SYT14: variants seen among roughly 807,000 people sequenced by gnomAD.
SYT14 encodes synaptotagmin-14.
Under a neutral mutation model 74.2 loss-of-function variants are expected in SYT14, and 32 were observed. The ratio of observed to expected loss-of-function variants is 0.43; its 90% confidence interval spans 0.33 to 0.58. The LOEUF (loss-of-function observed/expected upper bound fraction) is 0.58, where lower values mean the gene tolerates loss of function less well. Among genes scored for constraint, SYT14 ranks in the 20% least tolerant of loss-of-function variants. SYT14 has a pLI of 0.05. For synonymous variants in SYT14, 298 were observed against 337.7 expected, an observed-to-expected ratio of 0.88 and a Z score of 1.29; for missense variants, 791 against 981.8, an observed-to-expected ratio of 0.81 and a Z score of 2.60.
intron 5 of SYT14, among the ~76,000 whole-genome samples, chr1:210,086,629 G>T (rs12073617): frequency 0.05 from 7,569 of 152,196 alleles, 1,032 homozygotes; most frequent in East Asian, 0.42. Flanking sequence ...CCTATTAGTG[G>T]ATAATAGATT....
intron 7 of SYT14, 127 bp from the exon 7 acceptor site, chr1:210,155,593 TG>T: frequency 1.1e-6 from 1 of 937,086 alleles, no homozygotes; most frequent in Non-Finnish European, 1.6e-6. Context: ...AATTCTAATC[TG>T]GTGTTTGGTT....
At chr1:210,148,968 AT>A (rs1207848556) in intron 7 of SYT14, among the ~76,000 whole-genome samples, 1 of 152,152 alleles carries the variant, frequency 6.6e-6, no homozygotes, top group Non-Finnish European at 1.5e-5. Flanking sequence ...TCAGCAAAAA[AT>A]ATACACATAT....
intron 2 of SYT14, among the ~76,000 whole-genome samples, chr1:209,977,393 C>A (rs925223788): frequency 3.9e-5 from 6 of 152,134 alleles, no homozygotes; most frequent in African/African-American, 1.4e-4. Context: ...TCTTTTAGGG[C>A]AGGCCTGGTA....
chr1:210,117,675 A>G (rs1379536702), intron 7 of SYT14, among the ~76,000 whole-genome samples: 2 of 152,178 alleles, frequency 1.3e-5, no homozygotes, highest in East Asian at 3.8e-4. Flanking sequence ...CTGCAGTCTC[A>G]CACAAAGAAT....
chr1:210,013,902 C>A (rs1018881317), intron 3 of SYT14, 105 bp downstream of exon 3: 1 of 1,115,976 alleles, frequency 9.0e-7, no homozygotes, highest in South Asian at 1.6e-5. Context: ...ATACAATAAA[C>A]TAATATTTGA....
chr1:210,087,454 C>T (rs12751186), intron 5 of SYT14, among the ~76,000 whole-genome samples: 2 of 152,166 alleles, frequency 1.3e-5, no homozygotes, highest in Non-Finnish European at 2.9e-5. Context: ...GCTCTCCTTC[C>T]TCAATGCGAA....
At chr1:210,094,767 A>G (rs1002831671) in intron 6 of SYT14, among the ~76,000 whole-genome samples, 174 bp downstream of exon 5, 5 of 152,116 alleles carry the variant, frequency 3.3e-5, no homozygotes, top group Admixed American at 2.6e-4. Context: ...GAATGTCCCA[A>G]CTAGTCTTCA....
chr1:210,008,036 AT>A (rs2080020455), intron 2 of SYT14, among the ~76,000 whole-genome samples: 1 of 152,194 alleles, frequency 6.6e-6, no homozygotes, highest in African/African-American at 2.4e-5. Context: ...CTGAATAATA[AT>A]TTTAAGATCT....
intron 5 of SYT14, among the ~76,000 whole-genome samples, chr1:210,093,802 G>A: frequency 6.6e-6 from 1 of 152,196 alleles, no homozygotes; most frequent in Non-Finnish European, 1.5e-5. Flanking sequence ...ATCCAGGACA[G>A]ATGTAGAAAA....
chr1:209,953,667 T>C (rs2078947807), intron 2 of SYT14, among the ~76,000 whole-genome samples: 1 of 152,248 alleles, frequency 6.6e-6, no homozygotes, highest in African/African-American at 2.4e-5. Context: ...TCAGCTTCTT[T>C]AGACTTGAAA....
chr1:210,062,275 A>G (rs1456309395), intron 5 of SYT14, among the ~76,000 whole-genome samples: 1 of 151,884 alleles, frequency 6.6e-6, no homozygotes, highest in Non-Finnish European at 1.5e-5. Context: ...CATATTTGGA[A>G]ATTTGATTCT....
chr1:209,987,825 ATC>A (rs2079597436), intron 2 of SYT14, among the ~76,000 whole-genome samples: 1 of 152,100 alleles, frequency 6.6e-6, no homozygotes, highest in African/African-American at 2.4e-5. Context: ...TTTCTGATGA[ATC>A]TCTTGTCAGC....
At chr1:210,036,085 T>C (rs2080655793) in intron 5 of SYT14, among the ~76,000 whole-genome samples, 2 of 152,004 alleles carry the variant, frequency 1.3e-5, no homozygotes. Flanking sequence ...TTTCTTTCAT[T>C]AGTGTTTGGT....
At chr1:210,037,902 G>A (rs928619833) in intron 5 of SYT14, among the ~76,000 whole-genome samples, 1 of 152,064 alleles carries the variant, frequency 6.6e-6, no homozygotes, top group African/African-American at 2.4e-5. Flanking sequence ...TGAGAAGAAT[G>A]TATATTCTGT....
intron 5 of SYT14, among the ~76,000 whole-genome samples, chr1:210,093,128 A>C (rs895311883): frequency 1.3e-4 from 20 of 151,862 alleles, no homozygotes; most frequent in African/African-American, 4.4e-4. Context: ...TTTTTTCAAA[A>C]TTGGGGCCTC....
At chr1:210,054,503 T>C (rs541827113) in intron 5 of SYT14, among the ~76,000 whole-genome samples, 54 of 152,314 alleles carry the variant, frequency 3.5e-4, no homozygotes, top group Middle Eastern at 6.8e-3. Context: ...TATTACATTT[T>C]CTTTTTTTTA....
chr1:210,098,730 G>A (rs1256467737), intron 6 of SYT14, among the ~76,000 whole-genome samples: 6 of 151,818 alleles, frequency 4.0e-5, no homozygotes. Flanking sequence ...ACTGAAGCTG[G>A]AGTCCACTGG....
intron 2 of SYT14, among the ~76,000 whole-genome samples, chr1:209,960,014 A>G (rs1177086592): frequency 6.6e-6 from 1 of 152,168 alleles, no homozygotes; most frequent in African/African-American, 2.4e-5. Flanking sequence ...CTGAAATTCT[A>G]TTCCTTTGAT....
At chr1:210,050,930 C>T (rs2080982342) in intron 5 of SYT14, among the ~76,000 whole-genome samples, 2 of 152,194 alleles carry the variant, frequency 1.3e-5, no homozygotes, top group African/African-American at 2.4e-5. Context: ...CCAATCAGGT[C>T]TTGAGTCCTT....
Sources: allele counts gnomAD v4.1 joint callset (sites outside exome capture counted in the v4.1 genomes callset), GRCh38; gene constraint gnomAD v4.1.1; transcripts MANE v1.5; gene names NCBI Gene and HGNC (gene_info 2026-07-23, HGNC 2026-07-21).